Variants in DYNC2H1 observed in about 807,000 individuals in gnomAD.
DYNC2H1 encodes the protein dynein cytoplasmic 2 heavy chain 1.
Under a neutral mutation model 570.0 loss-of-function variants are expected in DYNC2H1, and 410 were observed. The ratio of observed to expected loss-of-function variants is 0.72; its 90% confidence interval spans 0.66 to 0.78. The LOEUF (loss-of-function observed/expected upper bound fraction) is 0.78, where lower values mean the gene tolerates loss of function less well. Ranked by LOEUF, DYNC2H1 falls within the 30% of genes least tolerant of loss-of-function variation. The pLI is 0.00. For missense variants in DYNC2H1, 4,865 were observed against 5,046.4 expected, an observed-to-expected ratio of 0.96 and a Z score of 1.09; for synonymous variants, 1,688 against 1,677.6, an observed-to-expected ratio of 1.01 and a Z score of -0.15.
rs1565429673 is a variant in DYNC2H1 at position 103,248,622 on chromosome 11, T to C, written c.10042+3248T>C. 2.0e-5 allele frequency among the ~76,000 whole-genome samples: 3 copies of C among 152,050 alleles called. No homozygotes were observed. The South Asian group carries it at 6.2e-4, about 31-fold the overall frequency. ...TGGTCATAGTAAACCTTCAGCAGCA[T>C]TGGTTTCCAAAATTCAGACAGATAA... On this transcript the variant is annotated intron_variant, in intron 65 of 88. Transcript: ENST00000375735.
intron 87 of DYNC2H1, among the ~76,000 whole-genome samples, chr11:103,463,430 A>G (rs1426196903): frequency 6.6e-6 from 1 of 152,156 alleles, no homozygotes; most frequent in Non-Finnish European, 1.5e-5. Flanking sequence ...TAGGCTCTCC[A>G]TCTCCCCAAT....
rs533938471 is a variant in DYNC2H1 at position 103,154,430 on chromosome 11, T to C, written c.3303-21T>C. The C allele has an allele frequency of 5.1e-5, 76 of 1,503,196 alleles. No homozygotes were observed. In the African/African-American group the frequency reaches 1.0e-3, roughly 21 times the overall value. The allele number at this position is 1,503,196 out of a possible 1,614,324, so 93.1% of individuals were successfully genotyped here. On this transcript the variant is annotated intron_variant, in intron 22 of 88. Transcript: ENST00000375735. ...ATATTTCTGTTTTTAAAATTTAATA[T>C]TTCAATATTTGTTTCTATAGTGATG...
At chr11:103,434,424 CTTTTTT>C (rs3989922) in intron 84 of DYNC2H1, among the ~76,000 whole-genome samples, 3 of 144,570 alleles carry the variant, frequency 2.1e-5, no homozygotes, top group Admixed American at 1.4e-4. Flanking sequence ...TTTTTCCTTC[CTTTTTT>C]TTTTTTTTTA....
At chr11:103,413,053 A>G (rs115643437) in intron 84 of DYNC2H1, among the ~76,000 whole-genome samples, 1,530 of 152,242 alleles carry the variant, frequency 0.01, 29 homozygotes, top group African/African-American at 0.035. Context: ...CAGTGTGTTT[A>G]CTTGCAATTT....
chr11:103,160,790 G>A (rs1464760478), intron 28 of DYNC2H1, 142 bp from the exon 29 acceptor site: 2 of 409,526 alleles, frequency 4.9e-6, no homozygotes, highest in Non-Finnish European at 8.8e-6. Flanking sequence ...AACACTAGGA[G>A]CACTATATAT....
At chr11:103,184,841 T>A in intron 40 of DYNC2H1, 55 bp from the exon 41 acceptor site, 1 of 1,594,078 alleles carries the variant, frequency 6.3e-7, no homozygotes, top group Non-Finnish European at 8.6e-7. Flanking sequence ...TGGTTCTATG[T>A]TTACTGGTTA....
intron 84 of DYNC2H1, among the ~76,000 whole-genome samples, chr11:103,416,710 T>G (rs924762370): frequency 6.6e-5 from 10 of 152,120 alleles, no homozygotes; most frequent in Admixed American, 1.3e-4. Context: ...GCAATACCAT[T>G]CAGGACATAG....
At chr11:103,383,258 A>G (rs1228263596) in intron 83 of DYNC2H1, among the ~76,000 whole-genome samples, 1 of 152,184 alleles carries the variant, frequency 6.6e-6, no homozygotes, top group Non-Finnish European at 1.5e-5. Context: ...TCTTGTATAG[A>G]AATTCCACTG....
intron 76 of DYNC2H1, 37 bp downstream of exon 76, chr11:103,303,290 A>G (rs1189959595): frequency 3.8e-6 from 6 of 1,587,714 alleles, no homozygotes; most frequent in South Asian, 1.2e-5. Context: ...TGTTTTTGCT[A>G]TTGCTGTTCC....
At chr11:103,120,304 C>G (rs933405887) in intron 6 of DYNC2H1, 143 bp from the exon 7 acceptor site, 1 of 703,008 alleles carries the variant, frequency 1.4e-6, no homozygotes, top group African/African-American at 1.8e-5. Flanking sequence ...ATTCTCTGGA[C>G]TAGAGTTTCA....
At position 103,163,919 on chromosome 11, in the gene DYNC2H1, G is replaced by C. The variant is rs1457112463; in HGVS notation, c.4611+772G>C. ...GAACAGGTTTTTATGTTGATTTTCT[G>C]TAAGTATGGAAGCTTGGAACAGTTT... On this transcript the variant is annotated intron_variant, in intron 30 of 88. Coordinates refer to ENST00000375735, the MANE Select transcript of DYNC2H1 (RefSeq NM_001377.3). The surrounding 1 kb of genome is among the most constrained non-coding windows in gnomAD (Gnocchi z 4.6). 6.6e-6 allele frequency among the ~76,000 whole-genome samples: 1 copy of C among 152,072 alleles called. No individual in the cohort carries two copies. The highest frequency in any genetic ancestry group is 1.5e-5 in the Non-Finnish European group (1 of 68,014).
chr11:103,304,387 A>G (rs1867187209), intron 76 of DYNC2H1, among the ~76,000 whole-genome samples: 1 of 152,120 alleles, frequency 6.6e-6, no homozygotes, highest in Non-Finnish European at 1.5e-5. Context: ...GTTACTAGTG[A>G]TTTTGGCAGG....
intron 84 of DYNC2H1, among the ~76,000 whole-genome samples, chr11:103,432,092 G>T (rs1218742279): frequency 6.6e-6 from 1 of 152,066 alleles, no homozygotes; most frequent in Admixed American, 6.6e-5. Context: ...GTTGGCTTTG[G>T]GAGGTGTTTT....
At chr11:103,318,546 T>G (rs1312966298) in intron 80 of DYNC2H1, among the ~76,000 whole-genome samples, 2 of 152,172 alleles carry the variant, frequency 1.3e-5, no homozygotes, top group Non-Finnish European at 2.9e-5. Context: ...TTGATGGACA[T>G]GCTGGTAGTT....
At chr11:103,134,291 T>C in intron 14 of DYNC2H1, 30 bp from the exon 15 acceptor site, 1 of 1,600,120 alleles carries the variant, frequency 6.2e-7, no homozygotes, top group South Asian at 1.1e-5. Flanking sequence ...CAGCAATACT[T>C]TGAGACTAGC....
intron 73 of DYNC2H1, among the ~76,000 whole-genome samples, chr11:103,284,192 C>A (rs1027290118): frequency 2.6e-5 from 4 of 152,070 alleles, no homozygotes; most frequent in African/African-American, 9.7e-5. Context: ...ATCCCTGTAC[C>A]CCTGATATTT....
Position 103,173,249 on chromosome 11 carries a change from C to A in DYNC2H1, c.5502C>A (p.Gly1834=), listed in dbSNP as rs1861647394. The A allele has an allele frequency of 3.8e-6, 6 of 1,599,388 alleles. No individual in the cohort carries two copies. Among genetic ancestry groups the A allele is most frequent in the Non-Finnish European group, 5.1e-6 (6 of 1,173,138 alleles). The part of the protein sequence containing the change: ...LIAEVILYSE[G]FKDAKVLSRK... ...CAGAAGTTATTCTCTATTCGGAAGG[C>A]TTTAAAGACGCTAAAGTATTGAGCA... is the stretch of plus-strand genomic sequence containing the variant. Residue 1834 remains glycine (G), a synonymous_variant, in exon 35 of 89, where the codon GGC becomes GGA. Coordinates refer to ENST00000375735, the MANE Select transcript of DYNC2H1 (RefSeq NM_001377.3).
At chr11:103,323,625 T>C (rs963611400) in intron 81 of DYNC2H1, among the ~76,000 whole-genome samples, 3 of 152,156 alleles carry the variant, frequency 2.0e-5, no homozygotes, top group African/African-American at 7.2e-5. Context: ...CACTCAAATA[T>C]GTTGTAAATA....
At position 103,337,320 on chromosome 11, in the gene DYNC2H1, C is replaced by T. The variant is rs150678483; in HGVS notation, c.12039+13330C>T. ...TCAGCTCTGAAGGCTGTGAGACCCCCGATTTCCTACTCCACATGCCATATT... is the reference window on the plus strand; with the variant it reads ...TCAGCTCTGAAGGCTGTGAGACCCCTGATTTCCTACTCCACATGCCATATT... On this transcript the variant is annotated intron_variant, in intron 82 of 88. Coordinates refer to ENST00000375735, the MANE Select transcript of DYNC2H1 (RefSeq NM_001377.3). Among the ~76,000 whole-genome samples, 119 of 152,220 alleles carry T rather than the reference C, an allele frequency of 7.8e-4. 2 individuals carry two copies. In the East Asian group the frequency reaches 0.019, roughly 25 times the overall value.
Sources: gnomAD v4.1 joint callset for allele counts (sites outside exome capture counted in the v4.1 genomes callset) on GRCh38, gnomAD v4.1.1 for gene constraint, Gnocchi (gnomAD v3.1) non-coding constraint, MANE v1.5 for transcripts, NCBI Gene and HGNC (gene_info 2026-07-23, HGNC 2026-07-21) for gene names.